The following DLG2 variants were observed in gnomAD, a reference collection of about 807,000 sequenced individuals.
DLG2 encodes the protein discs large MAGUK scaffold protein 2, also known as disks large homolog 2.
In DLG2, 45 loss-of-function variants were observed where a neutral mutation model predicts 132.5. The ratio of observed to expected loss-of-function variants is 0.34; its 90% CI spans 0.27 to 0.44. The LOEUF is 0.44. Ranked by LOEUF, DLG2 falls within the 20% of genes least tolerant of loss-of-function variation. The pLI is 1.00. For missense variants in DLG2, 1,045 were observed against 1,196.9 expected (o/e 0.87, Z 1.87); for synonymous variants, 424 against 419.6 (o/e 1.01, Z -0.13).
chr11:83,632,547 T>G lies in DLG2; in HGVS notation c.1940+664A>C, dbSNP rs1232655518. ...CTTGTCTTGGAAGAGGAGCATGTTA[T>G]AGTTGAGTGTTGATGGATCTTACTC... On this transcript the variant is annotated intron_variant, in intron 19 of 27. Coordinates refer to ENST00000376104, the MANE Select transcript of DLG2 (RefSeq NM_001142699.3). 3.9e-5 allele frequency: 6 copies of G among 152,238 alleles called. No individual in the cohort carries two copies. In the East Asian group the frequency reaches 9.6e-4, roughly 24 times the overall value. The allele number at this position is 152,238 out of a possible 1,614,324, so 9.4% of individuals were successfully genotyped here.
intron 6 of DLG2, among the ~76,000 whole-genome samples, chr11:85,064,963 A>G (rs538285022): frequency 1.3e-5 from 2 of 151,686 alleles, no homozygotes; most frequent in Non-Finnish European, 3.0e-5. Flanking sequence ...ATTTTTATGT[A>G]TAAAGTACCG....
chr11:83,659,978 A>T (rs2073825011), intron 18 of DLG2, among the ~76,000 whole-genome samples: 1 of 152,170 alleles, frequency 6.6e-6, no homozygotes, highest in Non-Finnish European at 1.5e-5. Flanking sequence ...TCTGTCCCAG[A>T]CTGGAATATC....
At chr11:83,998,710 A>AGG (rs1478476032) in intron 11 of DLG2, among the ~76,000 whole-genome samples, 4 of 152,120 alleles carry the variant, frequency 2.6e-5, no homozygotes, top group Non-Finnish European at 5.9e-5. Flanking sequence ...CCAAGAAGGG[A>AGG]GGTTGCACTG....
At chr11:85,509,366 A>G (rs1159479642) in intron 3 of DLG2, among the ~76,000 whole-genome samples, 1 of 152,064 alleles carries the variant, frequency 6.6e-6, no homozygotes, top group Non-Finnish European at 1.5e-5. Context: ...GATTTTTGGA[A>G]CCTAAAGGAA....
chr11:83,787,316 TTTTTTTG>T (rs1306726236), intron 17 of DLG2, among the ~76,000 whole-genome samples: 10 of 90,274 alleles, frequency 1.1e-4, no homozygotes, highest in African/African-American at 3.2e-4. Context: ...AGCCTTGTTT[TTTTTTTG>T]TTTTTTTTTT....
chr11:84,152,353 G>A (rs1344329589), intron 9 of DLG2, among the ~76,000 whole-genome samples: 1 of 132,978 alleles, frequency 7.5e-6, no homozygotes, highest in Non-Finnish European at 1.7e-5. Context: ...TGTTTTTTCT[G>A]AAATAAGAAT....
intron 6 of DLG2, among the ~76,000 whole-genome samples, chr11:85,096,064 A>T (rs766647424): frequency 1.3e-5 from 2 of 152,156 alleles, no homozygotes; most frequent in Non-Finnish European, 2.9e-5. Context: ...AAACGTACCA[A>T]TCAGCACTCT....
intron 7 of DLG2, among the ~76,000 whole-genome samples, chr11:84,285,954 A>G (rs2097905555): frequency 6.6e-6 from 1 of 152,206 alleles, no homozygotes. Flanking sequence ...ATGCACAGCC[A>G]GAATTAGCAA....
At chr11:84,302,305 C>T (rs994389987) in intron 7 of DLG2, among the ~76,000 whole-genome samples, 4 of 152,072 alleles carry the variant, frequency 2.6e-5, no homozygotes, top group African/African-American at 9.7e-5. Flanking sequence ...ATGTAACAAA[C>T]CTGCATGTTC....
At chr11:83,710,381 C>A (rs991617794) in intron 18 of DLG2, among the ~76,000 whole-genome samples, 1 of 152,046 alleles carries the variant, frequency 6.6e-6, no homozygotes, top group Non-Finnish European at 1.5e-5. Flanking sequence ...AGGTTGGTCT[C>A]GAACTTCTGA....
intron 7 of DLG2, among the ~76,000 whole-genome samples, chr11:84,334,371 T>C (rs1448863708): frequency 1.3e-5 from 2 of 152,242 alleles, no homozygotes; most frequent in Non-Finnish European, 2.9e-5. Context: ...ATTTTGCTAA[T>C]TCTTTCAAGT....
At chr11:83,909,468 C>G (rs1259892256) in intron 15 of DLG2, among the ~76,000 whole-genome samples, 1 of 152,160 alleles carries the variant, frequency 6.6e-6, no homozygotes, top group African/African-American at 2.4e-5. Flanking sequence ...ATGGAAGCCA[C>G]TGTCAAAGAC....
intron 5 of DLG2, among the ~76,000 whole-genome samples, chr11:85,120,885 A>G (rs1338360034): frequency 6.6e-6 from 1 of 152,016 alleles, no homozygotes; most frequent in African/African-American, 2.4e-5. Context: ...ATTCTAAGTC[A>G]TTTCTGTCTA....
chr11:83,927,865 T>G (rs1165460963), intron 15 of DLG2, among the ~76,000 whole-genome samples: 1 of 151,984 alleles, frequency 6.6e-6, no homozygotes, highest in Non-Finnish European at 1.5e-5. Context: ...GGAGGTAGAA[T>G]CAACAGGACT....
intron 3 of DLG2, among the ~76,000 whole-genome samples, chr11:85,403,311 G>T (rs989630817): frequency 2.6e-5 from 4 of 151,948 alleles, no homozygotes; most frequent in Middle Eastern, 6.8e-3. Context: ...TGCACACAGG[G>T]TCGGGTACAT....
Position 84,859,436 on chromosome 11 carries a change from G to GTATATATACATACATATATACATATA in DLG2, c.357+252199_357+252224dup, listed in dbSNP as rs2083310197. On this transcript the variant is annotated intron_variant, in intron 6 of 27. Coordinates refer to ENST00000376104, the MANE Select transcript of DLG2 (RefSeq NM_001142699.3). ...TATATGTATACATATACATATATATGTATATATACATACATATATACATAT... is the reference window on the plus strand; with the variant it reads ...TATATGTATACATATACATATATATGTATATATACATACATATATACATATATATATATACATACATATATACATAT... 3.6e-5 allele frequency among the ~76,000 whole-genome samples: 5 copies of GTATATATACATACATATATACATATA among 138,416 alleles called. No homozygotes were observed. The Admixed American group carries it at 3.7e-4, about 10-fold the overall frequency. The allele number at this position is 138,416 out of a possible 152,430, so 90.8% of individuals were successfully genotyped here.
intron 3 of DLG2, among the ~76,000 whole-genome samples, chr11:85,536,540 C>A (rs1393764458): frequency 6.6e-6 from 1 of 152,234 alleles, no homozygotes; most frequent in Non-Finnish European, 1.5e-5. Context: ...GCCCTTCACC[C>A]TGTTGCTGCG....
rs1340152289 is a variant in DLG2, at chr11:83,954,113, A to T, written c.1340+8772T>A. On this transcript the variant is annotated intron_variant, in intron 14 of 27. Coordinates refer to ENST00000376104, the MANE Select transcript of DLG2 (RefSeq NM_001142699.3). ...TGGCTAACTCATGAGCACATAGGAA[A>T]TGATAAATATCTATAGGAGCCGGTT... Among the ~76,000 whole-genome samples the T allele has an allele frequency of 2.6e-5, 4 of 152,248 alleles. No individual in the cohort carries two copies. The South Asian group carries it at 6.2e-4, about 24-fold the overall frequency.
At chr11:85,205,320 G>T (rs1030502710) in intron 4 of DLG2, among the ~76,000 whole-genome samples, 1 of 151,742 alleles carries the variant, frequency 6.6e-6, no homozygotes, top group African/African-American at 2.4e-5. Flanking sequence ...ACCATATTTG[G>T]GAGCTAAAAA....
Sources: gnomAD v4.1 joint callset for allele counts (sites outside exome capture counted in the v4.1 genomes callset) on GRCh38, gnomAD v4.1.1 for gene constraint, MANE v1.5 for transcripts, NCBI Gene and HGNC (gene_info 2026-07-23, HGNC 2026-07-21) for gene names.